Variants in CNTN5 observed in about 807,000 individuals in gnomAD.
CNTN5 encodes contactin 5, also known as contactin-5.
A neutral mutation model predicts 129.1 loss-of-function variants in CNTN5; 77 were observed. That is an observed-to-expected ratio of 0.60 (90% CI 0.50 to 0.72). The LOEUF is 0.72. CNTN5 is among the 30% of genes least tolerant of loss of function. The probability of loss-of-function intolerance (pLI) is 0.00; values close to 1 mark genes in which losing one functional copy is unlikely to be tolerated. For synonymous variants in CNTN5, 509 were observed against 465.6 expected, an observed-to-expected ratio of 1.09 and a Z score of -1.20; for missense variants, 1,478 against 1,328.8, an observed-to-expected ratio of 1.11 and a Z score of -1.75.
chr11:99,153,488 G>GTT (rs201731146), intron 1 of CNTN5, among the ~76,000 whole-genome samples: 51 of 140,048 alleles, frequency 3.6e-4, no homozygotes, highest in South Asian at 2.2e-3. Flanking sequence ...ATCAGATCAG[G>GTT]TTTTTTTTTT....
intron 4 of CNTN5, among the ~76,000 whole-genome samples, chr11:99,837,547 T>G (rs145295979): frequency 1.6e-3 from 243 of 152,184 alleles, no homozygotes; most frequent in African/African-American, 5.6e-3. Flanking sequence ...TAGTCCTGTA[T>G]TTTACATACA....
intron 3 of CNTN5, among the ~76,000 whole-genome samples, chr11:99,643,911 C>A (rs918027282): frequency 1.3e-5 from 2 of 151,998 alleles, no homozygotes; most frequent in African/African-American, 4.8e-5. Context: ...GTGGCTTTAA[C>A]AAATTTCAGT....
At chr11:99,552,206 AGTTTTTGT>A (rs963735240) in intron 2 of CNTN5, among the ~76,000 whole-genome samples, 15 of 137,418 alleles carry the variant, frequency 1.1e-4, no homozygotes, top group African/African-American at 4.4e-4. Context: ...GCACCTGGTC[AGTTTTTGT>A]GTTTTTTTTT....
At chr11:99,738,856 C>G (rs1398810936) in intron 3 of CNTN5, among the ~76,000 whole-genome samples, 1 of 152,062 alleles carries the variant, frequency 6.6e-6, no homozygotes, top group East Asian at 1.9e-4. Flanking sequence ...AAATGTATGT[C>G]AAAAGTTTTT....
At chr11:100,237,621 G>A (rs986075805) in intron 16 of CNTN5, among the ~76,000 whole-genome samples, 1 of 152,086 alleles carries the variant, frequency 6.6e-6, no homozygotes, top group Non-Finnish European at 1.5e-5. Flanking sequence ...TCTCTAATGA[G>A]TTACAGCAAG....
chr11:99,675,892 A>T (rs2135959609), intron 3 of CNTN5, among the ~76,000 whole-genome samples: 1 of 152,200 alleles, frequency 6.6e-6, no homozygotes, highest in South Asian at 2.1e-4. Context: ...ATTGTATCTG[A>T]CTTGTTACTC....
chr11:99,509,738 GA>G (rs531325650), intron 2 of CNTN5, among the ~76,000 whole-genome samples: 181 of 151,788 alleles, frequency 1.2e-3, no homozygotes, highest in African/African-American at 3.8e-3. Flanking sequence ...ATTTTACTGA[GA>G]AAAAAAGAGA....
rs533909088 is a variant in CNTN5 at position 99,281,136 on chromosome 11, A to T, written c.-209-44210A>T. ...AGAAAATGTCAAAGACAGGTTACTG[A>T]ATAGAATTAAAAGATCTGATTAAGG... On this transcript the variant is annotated intron_variant, in intron 1 of 24. Coordinates refer to ENST00000524871, the MANE Select transcript of CNTN5 (RefSeq NM_014361.4). Among the ~76,000 whole-genome samples the T allele has an allele frequency of 7.7e-4, 117 of 152,022 alleles. 1 individual carries two copies. The highest frequency in any genetic ancestry group is 2.7e-3 in the African/African-American group (114 of 41,546).
chr11:99,519,605 G>A (rs1400208912), intron 2 of CNTN5, among the ~76,000 whole-genome samples: 1 of 151,988 alleles, frequency 6.6e-6, no homozygotes, highest in East Asian at 1.9e-4. Flanking sequence ...TATAATACAT[G>A]TTCACAGTAT....
chr11:99,918,422 T>C (rs1949849657), intron 7 of CNTN5, among the ~76,000 whole-genome samples: 1 of 152,212 alleles, frequency 6.6e-6, no homozygotes, highest in African/African-American at 2.4e-5. Flanking sequence ...GAACTTTACA[T>C]CTTAATGTTA....
At chr11:99,808,389 T>G (rs1467475713) in intron 3 of CNTN5, among the ~76,000 whole-genome samples, 1 of 152,226 alleles carries the variant, frequency 6.6e-6, no homozygotes, top group Non-Finnish European at 1.5e-5. Context: ...TGAATTTAAA[T>G]GGACTTTTAC....
intron 1 of CNTN5, among the ~76,000 whole-genome samples, chr11:99,022,507 T>C (rs1207251692): frequency 6.6e-6 from 1 of 152,196 alleles, no homozygotes. Flanking sequence ...TCCTATTTCA[T>C]GCTCAAATTA....
At chr11:99,130,017 G>T (rs1858849839) in intron 1 of CNTN5, among the ~76,000 whole-genome samples, 1 of 152,132 alleles carries the variant, frequency 6.6e-6, no homozygotes, top group South Asian at 2.1e-4. Context: ...ACACACTGAA[G>T]TACACAGACC....
chr11:100,268,058 G>A (rs1950339877), intron 17 of CNTN5, among the ~76,000 whole-genome samples: 1 of 152,142 alleles, frequency 6.6e-6, no homozygotes, highest in Admixed American at 6.5e-5. Context: ...ATTCAAGGAT[G>A]ACTGTAAGAT....
At chr11:99,160,677 A>G (rs2135512915) in intron 1 of CNTN5, among the ~76,000 whole-genome samples, 1 of 152,320 alleles carries the variant, frequency 6.6e-6, no homozygotes, top group South Asian at 2.1e-4. Context: ...GAAGGTAACT[A>G]TAGATTACAA....
At chr11:100,222,487 T>A (rs1207356494) in intron 15 of CNTN5, among the ~76,000 whole-genome samples, 5 of 152,108 alleles carry the variant, frequency 3.3e-5, no homozygotes, top group African/African-American at 9.7e-5. Flanking sequence ...ATAAATAAAT[T>A]ATTTGGGAAG....
chr11:99,130,692 A>G (rs1465944129), intron 1 of CNTN5, among the ~76,000 whole-genome samples: 1 of 75,338 alleles, frequency 1.3e-5, no homozygotes, highest in Admixed American at 1.2e-4. Context: ...TTACTGTGAA[A>G]TTGATCACAT....
chr11:99,409,231 A>T (rs902477277), intron 2 of CNTN5, among the ~76,000 whole-genome samples: 3 of 152,204 alleles, frequency 2.0e-5, no homozygotes, highest in Admixed American at 1.3e-4. Context: ...TTGGGAGGCC[A>T]TGGTGGGTGG....
chr11:99,688,354 T>G (rs368465137), intron 3 of CNTN5, among the ~76,000 whole-genome samples: 2 of 152,116 alleles, frequency 1.3e-5, no homozygotes, highest in South Asian at 4.1e-4. Context: ...AGAAATTTAT[T>G]TAGAAGACAA....
Sources: gnomAD v4.1 joint callset for allele counts (sites outside exome capture counted in the v4.1 genomes callset) on GRCh38, gnomAD v4.1.1 for gene constraint, MANE v1.5 for transcripts, NCBI Gene and HGNC (gene_info 2026-07-23, HGNC 2026-07-21) for gene names.